The following MARCHF4 variants were observed in gnomAD, a reference collection of about 807,000 sequenced individuals.
MARCHF4 encodes membrane associated ring-CH-type finger 4.
In MARCHF4, 14 loss-of-function variants were observed where a neutral mutation model predicts 43.9. The observed-to-expected ratio is 0.32, with a 90% CI of 0.21 to 0.50. The LOEUF (loss-of-function observed/expected upper bound fraction) is 0.50, where lower values mean the gene tolerates loss of function less well. Among genes scored for constraint, MARCHF4 ranks in the 20% least tolerant of loss-of-function variants. The pLI, the probability that MARCHF4 is intolerant of heterozygous loss-of-function variation, is 0.98. For synonymous variants in MARCHF4, 226 were observed against 213.3 expected (o/e 1.06, Z -0.52); for missense variants, 468 against 536.7 (o/e 0.87, Z 1.27).
chr2:216,336,742 T>TAAAAAAAAAAA (rs58031229), intron 1 of MARCHF4, among the ~76,000 whole-genome samples: 46 of 55,644 alleles, frequency 8.3e-4, no homozygotes, highest in Non-Finnish European at 1.0e-3. Context: ...CAAATAGATT[T>TAAAAAAAAAAA]AAAAAAAAAA....
chr2:216,370,094 C>A lies in MARCHF4; in HGVS notation c.167G>T (p.Arg56Leu). The A allele has an allele frequency of 3.2e-6, 5 of 1,584,174 alleles. No homozygotes were observed. Among genetic ancestry groups the A allele is most frequent in the Non-Finnish European group, 4.3e-6 (5 of 1,165,534 alleles). Residue 56 changes from arginine (R) to leucine (L), a missense_variant, in exon 1 of 4, where the codon CGC becomes CTC. Around this residue, in one of 3 missense-constraint regions of MARCHF4, gnomAD observed 190 missense variants for 158.5 expected, o/e 1.20. Transcript: ENST00000273067. ...FNDLKVFLLR[R>L]PPQAPLPMHG... is the part of the protein sequence containing the mutation. ...CATGGGCAGGGGCGCTTGAGGAGGG[C>A]GCCGCAGTAAGAAAACCTTCAGGTC...
At chr2:216,349,950 A>T (rs1692374921) in intron 1 of MARCHF4, among the ~76,000 whole-genome samples, 1 of 152,146 alleles carries the variant, frequency 6.6e-6, no homozygotes, top group South Asian at 2.1e-4. Context: ...TGCAAGGGAC[A>T]GCTGGGTGGA....
intron 1 of MARCHF4, among the ~76,000 whole-genome samples, chr2:216,305,225 G>C (rs6744997): frequency 0.26 from 40,253 of 152,120 alleles, 6,544 homozygotes; most frequent in Non-Finnish European, 0.35. Flanking sequence ...AAGATAATCA[G>C]GATATCTGGT....
intron 1 of MARCHF4, among the ~76,000 whole-genome samples, chr2:216,361,792 G>C (rs1254411799): frequency 1.3e-5 from 2 of 152,174 alleles, no homozygotes; most frequent in Admixed American, 6.5e-5. Flanking sequence ...ATTTTTTAAA[G>C]ACTCCAGTGA....
intron 1 of MARCHF4, among the ~76,000 whole-genome samples, chr2:216,361,891 C>G (rs1173861488): frequency 6.6e-6 from 1 of 152,204 alleles, no homozygotes; most frequent in Non-Finnish European, 1.5e-5. Context: ...AAATATCACT[C>G]TCATTCAATT....
At chr2:216,280,049 G>T (rs1320507148) in intron 2 of MARCHF4, among the ~76,000 whole-genome samples, 1 of 152,064 alleles carries the variant, frequency 6.6e-6, no homozygotes. Context: ...GCCAGCTGTG[G>T]AACCTAAATG....
At chr2:216,279,956 G>C (rs1223551633) in intron 2 of MARCHF4, among the ~76,000 whole-genome samples, 1 of 152,014 alleles carries the variant, frequency 6.6e-6, no homozygotes, top group Non-Finnish European at 1.5e-5. Context: ...ACTTTCTCCT[G>C]CTCCTCTAGA....
At chr2:216,322,973 T>C (rs1316900635) in intron 1 of MARCHF4, among the ~76,000 whole-genome samples, 1 of 152,242 alleles carries the variant, frequency 6.6e-6, no homozygotes, top group African/African-American at 2.4e-5. Flanking sequence ...GTAATTTTTC[T>C]TGGAAAGAAG....
intron 2 of MARCHF4, among the ~76,000 whole-genome samples, chr2:216,283,213 G>T (rs1043520388): frequency 6.6e-6 from 1 of 151,188 alleles, no homozygotes; most frequent in African/African-American, 2.4e-5. Context: ...CTTCTTCCCT[G>T]CCTCCTTCGT....
intron 1 of MARCHF4, among the ~76,000 whole-genome samples, chr2:216,298,076 T>G (rs1367766409): frequency 6.6e-6 from 1 of 152,334 alleles, no homozygotes; most frequent in East Asian, 1.9e-4. Context: ...TTTCTGGGAT[T>G]TGGTGACCCA....
At chr2:216,286,157 C>T (rs549228512) in intron 1 of MARCHF4, among the ~76,000 whole-genome samples, 2 of 152,342 alleles carry the variant, frequency 1.3e-5, no homozygotes, top group East Asian at 3.9e-4. Context: ...TATGCTGCTT[C>T]CCCTCCAGCG....
At chr2:216,294,767 C>T (rs983070221) in intron 1 of MARCHF4, among the ~76,000 whole-genome samples, 1 of 152,198 alleles carries the variant, frequency 6.6e-6, no homozygotes, top group Non-Finnish European at 1.5e-5. Context: ...GGACCAGATA[C>T]TCTTCAGCAA....
intron 3 of MARCHF4, among the ~76,000 whole-genome samples, chr2:216,272,367 G>A (rs1690952528): frequency 6.6e-6 from 1 of 152,108 alleles, no homozygotes; most frequent in South Asian, 2.1e-4. Context: ...CCCAAACCCT[G>A]AATATAGGAC....
At chr2:216,356,887 G>A (rs1192880545) in intron 1 of MARCHF4, among the ~76,000 whole-genome samples, 1 of 152,062 alleles carries the variant, frequency 6.6e-6, no homozygotes, top group East Asian at 1.9e-4. Context: ...GCTGGGCGTG[G>A]TGGCAGGCCC....
chr2:216,295,707 G>A (rs968796012), intron 1 of MARCHF4, among the ~76,000 whole-genome samples: 1 of 152,230 alleles, frequency 6.6e-6, no homozygotes, highest in Non-Finnish European at 1.5e-5. Context: ...TTACTGCCTT[G>A]TAAATGAAGT....
chr2:216,301,050 C>T (rs1691485481), intron 1 of MARCHF4, among the ~76,000 whole-genome samples: 1 of 152,208 alleles, frequency 6.6e-6, no homozygotes. Context: ...CCAGAAGGGA[C>T]ATTAATTGCA....
At chr2:216,280,779 T>C (rs188729000) in intron 2 of MARCHF4, among the ~76,000 whole-genome samples, 2 of 152,294 alleles carry the variant, frequency 1.3e-5, no homozygotes, top group East Asian at 3.9e-4. Context: ...AAAATAATAG[T>C]GCCCACTTCA....
At chr2:216,277,907 C>T (rs746624417) in intron 2 of MARCHF4, 43 bp from the exon 3 acceptor site, 6 of 1,544,796 alleles carry the variant, frequency 3.9e-6, no homozygotes, top group Non-Finnish European at 4.4e-6. Context: ...CTTGGATGCC[C>T]TTATCCCATT....
chr2:216,263,938 G>A (rs1279393365), intron 3 of MARCHF4, among the ~76,000 whole-genome samples: 1 of 152,116 alleles, frequency 6.6e-6, no homozygotes, highest in African/African-American at 2.4e-5. Flanking sequence ...CCAGGAGCTG[G>A]GCCCTGTGAT....
Sources: gnomAD v4.1 joint callset for allele counts (sites outside exome capture counted in the v4.1 genomes callset) on GRCh38, gnomAD v4.1.1 for gene constraint, gnomAD v4.1.1 regional missense constraint, MANE v1.5 for transcripts, NCBI Gene and HGNC (gene_info 2026-07-23, HGNC 2026-07-21) for gene names.